CCDC102B: variants seen among roughly 807,000 people sequenced by gnomAD.
The protein encoded by CCDC102B is coiled-coil domain-containing protein 102B.
In CCDC102B, 75 loss-of-function variants were observed where a neutral mutation model predicts 57.4. That is an observed-to-expected ratio of 1.31 (90% confidence interval 1.08 to 1.58). The LOEUF (loss-of-function observed/expected upper bound fraction) is 1.58, where lower values mean the gene tolerates loss of function less well. Among genes scored for constraint, CCDC102B ranks in the 40% most tolerant of loss-of-function variants. The pLI is 0.00. For missense variants in CCDC102B, 636 were observed against 582.6 expected (o/e 1.09, Z -0.94); for synonymous variants, 206 against 201.9 (o/e 1.02, Z -0.17).
At chr18:68,832,589 G>C (rs1422114291) in intron 1 of CCDC102B, among the ~76,000 whole-genome samples, 1 of 152,020 alleles carries the variant, frequency 6.6e-6, no homozygotes, top group East Asian at 1.9e-4. Flanking sequence ...TGGAAAAGAG[G>C]GATGAGGAAG....
intron 1 of CCDC102B, among the ~76,000 whole-genome samples, chr18:68,799,878 A>G (rs2035783419): frequency 6.6e-6 from 1 of 152,150 alleles, no homozygotes; most frequent in Non-Finnish European, 1.5e-5. Flanking sequence ...AACAGGAAAA[A>G]TTGATAGAGC....
rs530188562 is a variant in CCDC102B at position 68,947,008 on chromosome 18, A to G, written c.1263+49580A>G. On this transcript the variant is annotated intron_variant, in intron 6 of 7. Transcript: ENST00000360242. ...TTCTGTGGGAAATGGAGATTTTCAC[A>G]TATGATTTGTTTCACAGGATAAAAA... 3.9e-5 allele frequency among the ~76,000 whole-genome samples: 6 copies of G among 152,174 alleles called. No homozygotes were observed. In the East Asian group the frequency reaches 1.2e-3, roughly 29 times the overall value.
intron 5 of CCDC102B, among the ~76,000 whole-genome samples, chr18:68,892,836 T>C (rs2040125948): frequency 6.6e-6 from 1 of 152,170 alleles, no homozygotes; most frequent in Non-Finnish European, 1.5e-5. Flanking sequence ...AGCTTAAAAA[T>C]AGGTATAACA....
intron 6 of CCDC102B, among the ~76,000 whole-genome samples, chr18:68,958,061 A>G (rs983069607): frequency 6.6e-5 from 10 of 152,118 alleles, no homozygotes; most frequent in Admixed American, 1.3e-4. Flanking sequence ...CATGTCTCAC[A>G]TGCCAGCAGA....
At chr18:68,868,032 A>G (rs1599602075) in intron 4 of CCDC102B, among the ~76,000 whole-genome samples, 1 of 152,128 alleles carries the variant, frequency 6.6e-6, no homozygotes, top group East Asian at 1.9e-4. Flanking sequence ...GACAATTATC[A>G]TTGAGCATAT....
chr18:68,934,445 TA>T (rs2041778789), intron 6 of CCDC102B, among the ~76,000 whole-genome samples: 1 of 151,988 alleles, frequency 6.6e-6, no homozygotes, highest in African/African-American at 2.4e-5. Context: ...AAAGCTGTAA[TA>T]AAACTGAAAT....
At chr18:68,782,495 G>A (rs573104906) in intron 2 of CCDC102B, among the ~76,000 whole-genome samples, 13 of 152,178 alleles carry the variant, frequency 8.5e-5, no homozygotes, top group Admixed American at 3.3e-4. Context: ...TATTTAATTA[G>A]CTAATTGCAC....
At chr18:69,028,863 C>T (rs2052062371) in intron 7 of CCDC102B, among the ~76,000 whole-genome samples, 1 of 151,560 alleles carries the variant, frequency 6.6e-6, no homozygotes, top group South Asian at 2.1e-4. Flanking sequence ...ATCATAATTC[C>T]TTCATGTGTA....
At chr18:68,955,363 A>G (rs1036365926) in intron 6 of CCDC102B, among the ~76,000 whole-genome samples, 1 of 152,168 alleles carries the variant, frequency 6.6e-6, no homozygotes, top group Non-Finnish European at 1.5e-5. Context: ...ATTATTTATG[A>G]ATCTAGACTT....
chr18:68,997,146 C>A (rs1307585597), intron 6 of CCDC102B, among the ~76,000 whole-genome samples: 1 of 152,110 alleles, frequency 6.6e-6, no homozygotes, highest in Non-Finnish European at 1.5e-5. Context: ...TTTCCTTAGG[C>A]CTCCCCAGCC....
chr18:68,777,582 T>G (rs1274301131), intron 2 of CCDC102B, among the ~76,000 whole-genome samples: 1 of 152,198 alleles, frequency 6.6e-6, no homozygotes, highest in Non-Finnish European at 1.5e-5. Flanking sequence ...AAAATCTTTT[T>G]CTTGGCATGG....
intron 6 of CCDC102B, 184 bp downstream of exon 6, chr18:68,897,612 T>G (rs1412954104): frequency 1.9e-6 from 3 of 1,545,626 alleles, no homozygotes; most frequent in Middle Eastern, 1.7e-4. Flanking sequence ...TGAAACAAAG[T>G]GTGTCAAATG....
At chr18:68,791,897 A>G (rs777492619) in intron 2 of CCDC102B, among the ~76,000 whole-genome samples, 6 of 152,030 alleles carry the variant, frequency 3.9e-5, no homozygotes, top group Non-Finnish European at 7.4e-5. Flanking sequence ...GTGTATCTCA[A>G]CTGATAGAGT....
At chr18:68,949,764 G>T (rs1011766730) in intron 6 of CCDC102B, among the ~76,000 whole-genome samples, 5 of 151,824 alleles carry the variant, frequency 3.3e-5, no homozygotes, top group African/African-American at 1.2e-4. Flanking sequence ...TCCTATTAAT[G>T]TTGCAGTCCT....
intron 1 of CCDC102B, among the ~76,000 whole-genome samples, chr18:68,808,438 C>T (rs1338534646): frequency 2.8e-5 from 4 of 141,418 alleles, no homozygotes; most frequent in African/African-American, 1.0e-4. Context: ...GTTTTTGAAT[C>T]ATTCCATTGT....
intron 4 of CCDC102B, among the ~76,000 whole-genome samples, chr18:68,870,627 T>C (rs1002367189): frequency 6.6e-6 from 1 of 152,206 alleles, no homozygotes; most frequent in African/African-American, 2.4e-5. Flanking sequence ...CAAATTTGTG[T>C]ATTTCATCAC....
At chr18:68,783,853 A>G (rs2035091351) in intron 2 of CCDC102B, among the ~76,000 whole-genome samples, 3 of 152,188 alleles carry the variant, frequency 2.0e-5, no homozygotes, top group Non-Finnish European at 4.4e-5. Context: ...AGCCTATTAT[A>G]TTAAATTAAA....
rs771495720 is a variant in CCDC102B, at chr18:68,836,915, C to T, written c.152C>T (p.Ser51Phe). The T allele has an allele frequency of 1.4e-5, 22 of 1,614,166 alleles. No individual in the cohort carries two copies. Among genetic ancestry groups the T allele is most frequent in the Non-Finnish European group, 1.7e-5 (20 of 1,180,030 alleles). ...NTCFPLHGLQ[S>F]HAAHNFCAHS... ...TGCTTCCCACTTCATGGGCTACAAT[C>T]TCATGCTGCTCACAATTTCTGTGCT... Residue 51 changes from serine to phenylalanine, a missense_variant, in exon 2 of 8, where the codon TCT (serine) becomes TTT (phenylalanine). Ser to Phe is a radical substitution (Grantham distance 155, BLOSUM62 -2). Transcript: ENST00000360242.
chr18:68,855,992 G>A (rs1441621652), intron 4 of CCDC102B, among the ~76,000 whole-genome samples: 3 of 152,096 alleles, frequency 2.0e-5, no homozygotes, highest in Non-Finnish European at 1.5e-5. Flanking sequence ...CTCGTGTTTG[G>A]TAGAGAAGGA....
Sources: allele counts gnomAD v4.1 joint callset (sites outside exome capture counted in the v4.1 genomes callset), GRCh38; gene constraint gnomAD v4.1.1; transcripts MANE v1.5; gene names NCBI Gene and HGNC (gene_info 2026-07-23, HGNC 2026-07-21).